Variants in DDX60L observed in about 807,000 individuals in gnomAD.
DDX60L encodes DExD/H-box 60 like, also known as probable ATP-dependent RNA helicase DDX60-like.
In DDX60L, 191 loss-of-function variants were observed where a neutral mutation model predicts 211.6. The ratio of observed to expected loss-of-function variants is 0.90; its 90% CI spans 0.80 to 1.02. The LOEUF is 1.02. DDX60L is among the 50% of genes least tolerant of loss of function. DDX60L has a pLI of 0.00. For synonymous variants in DDX60L, 706 were observed against 694.1 expected, an observed-to-expected ratio of 1.02 and a Z score of -0.27; for missense variants, 2,007 against 1,984.1, an observed-to-expected ratio of 1.01 and a Z score of -0.22.
chr4:168,439,717 A>G (rs919312144), intron 10 of DDX60L, among the ~76,000 whole-genome samples: 5 of 152,200 alleles, frequency 3.3e-5, no homozygotes, highest in African/African-American at 9.7e-5. Flanking sequence ...ACAATCTTCA[A>G]AAGAACAAAG....
chr4:168,437,823 TG>T (rs199918788), intron 10 of DDX60L, among the ~76,000 whole-genome samples: 2,271 of 152,070 alleles, frequency 0.015, 62 homozygotes, highest in African/African-American at 0.052. Flanking sequence ...AGCAGACTCC[TG>T]GTCTTCACTT....
chr4:168,476,418 C>T (rs1759496098), intron 1 of DDX60L, among the ~76,000 whole-genome samples: 1 of 152,144 alleles, frequency 6.6e-6, no homozygotes, highest in Non-Finnish European at 1.5e-5. Context: ...AAGACATTCT[C>T]TGTCTCTGAA....
intron 19 of DDX60L, 146 bp downstream of exon 19, chr4:168,419,156 G>C (rs772459858): frequency 2.0e-6 from 1 of 491,888 alleles, no homozygotes; most frequent in African/African-American, 2.0e-5. Flanking sequence ...TTGTACTAAC[G>C]TGAATATGCA....
At chr4:168,435,631 GTTA>G (rs1195513292) in intron 10 of DDX60L, among the ~76,000 whole-genome samples, 2 of 152,066 alleles carry the variant, frequency 1.3e-5, no homozygotes, top group Non-Finnish European at 2.9e-5. Flanking sequence ...CTCCATTCCT[GTTA>G]ATAAAGACCA....
At chr4:168,429,935 C>A (rs1460779471) in intron 13 of DDX60L, among the ~76,000 whole-genome samples, 2 of 152,328 alleles carry the variant, frequency 1.3e-5, no homozygotes, top group East Asian at 3.9e-4. Context: ...TGGTGGCTCA[C>A]ACCTGTAATC....
At chr4:168,438,726 C>G (rs1188650926) in intron 10 of DDX60L, among the ~76,000 whole-genome samples, 1 of 152,126 alleles carries the variant, frequency 6.6e-6, no homozygotes, top group Non-Finnish European at 1.5e-5. Context: ...GAACCATGAC[C>G]AGCTTAGGTG....
At chr4:168,479,840 C>T (rs562603983) in intron 1 of DDX60L, among the ~76,000 whole-genome samples, 4 of 151,650 alleles carry the variant, frequency 2.6e-5, no homozygotes, top group South Asian at 4.2e-4. Context: ...AAAAATTAGC[C>T]GGGCGTGGTG....
chr4:168,396,272 T>C (rs1336078291), intron 26 of DDX60L, 148 bp from the exon 27 acceptor site: 2 of 504,940 alleles, frequency 4.0e-6, no homozygotes, highest in Non-Finnish European at 6.9e-6. Flanking sequence ...CTTCCTCACG[T>C]GCACTTCCAC....
intron 26 of DDX60L, among the ~76,000 whole-genome samples, chr4:168,398,093 G>A (rs997654799): frequency 3.3e-5 from 5 of 152,172 alleles, no homozygotes; most frequent in Admixed American, 6.5e-5. Flanking sequence ...AGCTGCAACT[G>A]TGGACCCAGG....
At chr4:168,461,190 G>A (rs1757275238) in intron 5 of DDX60L, among the ~76,000 whole-genome samples, 1 of 152,150 alleles carries the variant, frequency 6.6e-6, no homozygotes, top group Non-Finnish European at 1.5e-5. Flanking sequence ...CAACCCTGAG[G>A]CTATCCAGGG....
intron 36 of DDX60L, among the ~76,000 whole-genome samples, chr4:168,365,891 G>A (rs1174327455): frequency 6.6e-6 from 1 of 151,996 alleles, no homozygotes; most frequent in Non-Finnish European, 1.5e-5. Context: ...CAATAAATGA[G>A]ATAAATAGCA....
At chr4:168,478,189 C>A (rs76734682) in intron 1 of DDX60L, among the ~76,000 whole-genome samples, 6 of 144,472 alleles carry the variant, frequency 4.2e-5, no homozygotes, top group Admixed American at 6.8e-5. Flanking sequence ...AGTGATAGGA[C>A]AAAAAAAAAA....
intron 22 of DDX60L, among the ~76,000 whole-genome samples, chr4:168,413,133 T>C (rs891793367): frequency 6.6e-6 from 1 of 152,170 alleles, no homozygotes; most frequent in African/African-American, 2.4e-5. Flanking sequence ...TAAGCATCAA[T>C]GAATATCCAC....
intron 8 of DDX60L, among the ~76,000 whole-genome samples, chr4:168,449,651 G>GAAAAAAAAAAAAAAAAAAAAAA (rs1561098576): frequency 4.0e-4 from 3 of 7,502 alleles, no homozygotes; most frequent in Non-Finnish European, 6.7e-4. Flanking sequence ...AAAAAAAAAT[G>GAAAAAAAAAAAAAAAAAAAAAA]CAAAAAAAAA....
chr4:168,433,544 T>C (rs1001770111), intron 10 of DDX60L, among the ~76,000 whole-genome samples: 2 of 152,214 alleles, frequency 1.3e-5, no homozygotes, highest in African/African-American at 4.8e-5. Context: ...AAGTATTTTA[T>C]TTATCACCAA....
chr4:168,443,069 A>G (rs899678112), intron 9 of DDX60L, among the ~76,000 whole-genome samples: 94 of 152,184 alleles, frequency 6.2e-4, no homozygotes, highest in Non-Finnish European at 1.1e-3. Flanking sequence ...TCAGACGATC[A>G]AATTACTCTG....
intron 10 of DDX60L, among the ~76,000 whole-genome samples, chr4:168,440,590 A>G (rs1753685111): frequency 1.3e-5 from 2 of 152,110 alleles, no homozygotes; most frequent in Non-Finnish European, 2.9e-5. Context: ...TCCTCTCTGG[A>G]AAACCTTTTG....
chr4:168,455,267 A>G (rs369652378), intron 7 of DDX60L, among the ~76,000 whole-genome samples: 2 of 62,998 alleles, frequency 3.2e-5, no homozygotes, highest in Non-Finnish European at 5.8e-5. Flanking sequence ...GACTGCATAC[A>G]AACTTTGTGT....
At chr4:168,373,617 ACT>A in intron 35 of DDX60L, 47 bp downstream of exon 35, 1 of 1,578,380 alleles carries the variant, frequency 6.3e-7, no homozygotes, top group Non-Finnish European at 8.6e-7. Context: ...ATGTAACCCC[ACT>A]CTGTCTGTTA....
Sources: allele counts gnomAD v4.1 joint callset (sites outside exome capture counted in the v4.1 genomes callset), GRCh38; gene constraint gnomAD v4.1.1; transcripts MANE v1.5; gene names NCBI Gene and HGNC (gene_info 2026-07-23, HGNC 2026-07-21).